The following ABCF3 variants were observed in gnomAD, a reference collection of about 807,000 sequenced individuals.
ABCF3 encodes ATP binding cassette subfamily F member 3.
Under a neutral mutation model 94.3 loss-of-function variants are expected in ABCF3, and 62 were observed. The ratio of observed to expected loss-of-function variants is 0.66; its 90% CI spans 0.54 to 0.81. The LOEUF (loss-of-function observed/expected upper bound fraction) is 0.81, where lower values mean the gene tolerates loss of function less well. Among genes scored for constraint, ABCF3 ranks in the 40% least tolerant of loss-of-function variants. The probability of loss-of-function intolerance (pLI) is 0.00; values close to 1 mark genes in which losing one functional copy is unlikely to be tolerated. For synonymous variants in ABCF3, 355 were observed against 361.1 expected, an observed-to-expected ratio of 0.98 and a Z score of 0.19; for missense variants, 843 against 925.3, an observed-to-expected ratio of 0.91 and a Z score of 1.15.
At chr3:184,192,420 A>G (rs1370731503) in intron 16 of ABCF3, among the ~76,000 whole-genome samples, 181 bp from the exon 17 acceptor site, 1 of 151,512 alleles carries the variant, frequency 6.6e-6, no homozygotes, top group East Asian at 1.9e-4. Flanking sequence ...CAGTTAACCA[A>G]CCTCTCCCGA....
chr3:184,193,141 A>T lies in ABCF3; in HGVS notation c.1790A>T (p.Tyr597Phe), dbSNP rs1159045349. 6.4e-7 allele frequency: 1 copy of T among 1,558,672 alleles called. No homozygotes were observed. The highest frequency in any genetic ancestry group is 1.4e-5 in the African/African-American group (1 of 73,100). ...GAGTACCGTCACCAGCTGGGTCGGT[A>T]TGGCATCTCCGGAGAACTGGCCATG... ...EEEYRHQLGR[Y>F]GISGELAMRP... The change falls in exon 19 of 21, where the codon TAT becomes TTT. Residue 597 changes from tyrosine (Y) to phenylalanine (F), a missense_variant. Tyr to Phe is a conservative substitution (Grantham distance 22). Coordinates refer to ENST00000429586, the MANE Select transcript of ABCF3 (RefSeq NM_018358.3). The surrounding 1 kb of genome is among the most constrained non-coding windows in gnomAD (Gnocchi z 5.2).
At chr3:184,187,545 C>T (rs1715717137) in intron 4 of ABCF3, 102 bp downstream of exon 4, 2 of 1,541,932 alleles carry the variant, frequency 1.3e-6, no homozygotes, top group South Asian at 1.1e-5. Context: ...ATGTCTTTTC[C>T]TGAGCCTTTG....
Sources: gnomAD v4.1 joint callset for allele counts (sites outside exome capture counted in the v4.1 genomes callset) on GRCh38, gnomAD v4.1.1 for gene constraint, Gnocchi (gnomAD v3.1) non-coding constraint, MANE v1.5 for transcripts, NCBI Gene and HGNC (gene_info 2026-07-23, HGNC 2026-07-21) for gene names.